The following ALG9 variants were observed in gnomAD, a reference collection of about 807,000 sequenced individuals.
ALG9 encodes the protein ALG9 alpha-1,2-mannosyltransferase, also known as alpha-1,2-mannosyltransferase ALG9.
In ALG9, 55 loss-of-function variants were observed where a neutral mutation model predicts 81.8. The observed-to-expected ratio is 0.67, with a 90% CI of 0.54 to 0.84. The LOEUF (loss-of-function observed/expected upper bound fraction) is 0.84. ALG9 is among the 40% of genes least tolerant of loss of function. ALG9 has a pLI of 0.00. For missense variants in ALG9, 629 were observed against 745.0 expected, an observed-to-expected ratio of 0.84 and a Z score of 1.81; for synonymous variants, 278 against 274.3, an observed-to-expected ratio of 1.01 and a Z score of -0.13.
At chr11:111,776,015 T>C in the ALG9 span, among the ~76,000 whole-genome samples, 1 of 152,132 alleles carries the variant, frequency 6.6e-6, no homozygotes, top group South Asian at 2.1e-4. Context: ...AGTTATTGAC[T>C]TCATAAGGTT....
chr11:111,870,424 C>T (rs1277425477), intron 1 of ALG9, 54 bp from the exon 2 acceptor site: 2 of 1,482,124 alleles, frequency 1.3e-6, no homozygotes, highest in Non-Finnish European at 1.8e-6. Flanking sequence ...GAAGGACCTG[C>T]TAATCAGAAG....
At chr11:111,804,755 A>C (rs1423879565) in intron 14 of ALG9, among the ~76,000 whole-genome samples, 1 of 152,264 alleles carries the variant, frequency 6.6e-6, no homozygotes, top group East Asian at 1.9e-4. Flanking sequence ...CAACGATGAA[A>C]TACCACTACA....
chr11:111,827,228 GCACT>G (rs1312480499), intron 13 of ALG9, among the ~76,000 whole-genome samples: 3 of 152,156 alleles, frequency 2.0e-5, no homozygotes, highest in African/African-American at 7.2e-5. Context: ...TGTAATCCCA[GCACT>G]CTGGAAGGCT....
At chr11:111,818,454 T>C (rs1190764590) in intron 13 of ALG9, among the ~76,000 whole-genome samples, 1 of 152,190 alleles carries the variant, frequency 6.6e-6, no homozygotes, top group East Asian at 1.9e-4. Context: ...CAACTGTAAC[T>C]GAAAGAAGAC....
At chr11:111,821,841 A>G (rs1481100396) in intron 13 of ALG9, among the ~76,000 whole-genome samples, 2 of 152,002 alleles carry the variant, frequency 1.3e-5, no homozygotes. Flanking sequence ...TCACCGTGTT[A>G]GCCAGGATGG....
chr11:111,814,882 T>C (rs1317299184), intron 13 of ALG9, among the ~76,000 whole-genome samples: 4 of 152,218 alleles, frequency 2.6e-5, no homozygotes, highest in African/African-American at 7.2e-5. Context: ...AACAAGTTTT[T>C]AAAAGCTTTA....
chr11:111,770,706 A>C, the ALG9 span, among the ~76,000 whole-genome samples: 2 of 152,118 alleles, frequency 1.3e-5, no homozygotes, highest in African/African-American at 2.4e-5. Flanking sequence ...TCTAAAAAAT[A>C]AATAAATAAA....
chr11:111,772,343 T>C, the ALG9 span, among the ~76,000 whole-genome samples: 2 of 152,210 alleles, frequency 1.3e-5, no homozygotes, highest in East Asian at 1.9e-4. Context: ...GGAGAATCGC[T>C]TGAGCCTGGG....
chr11:111,845,686 G>A (rs1956848856), intron 8 of ALG9, among the ~76,000 whole-genome samples: 1 of 152,324 alleles, frequency 6.6e-6, no homozygotes, highest in South Asian at 2.1e-4. Context: ...CAATCAAGAA[G>A]TGAATGACAC....
intron 8 of ALG9, among the ~76,000 whole-genome samples, chr11:111,852,286 C>T (rs1210449377): frequency 1.3e-5 from 2 of 152,186 alleles, no homozygotes; most frequent in African/African-American, 4.8e-5. Context: ...CTGCCTCTCT[C>T]GTGAAATGTT....
intron 4 of ALG9, 98 bp from the exon 5 acceptor site, chr11:111,860,733 T>C: frequency 1.1e-6 from 1 of 908,870 alleles, no homozygotes; most frequent in South Asian, 1.6e-5. Context: ...ACTGAAGATC[T>C]AAAGTCAAAC....
chr11:111,770,790 T>G, the ALG9 span, among the ~76,000 whole-genome samples: 2 of 152,232 alleles, frequency 1.3e-5, no homozygotes, highest in Non-Finnish European at 2.9e-5. Context: ...ACTGTGGCAC[T>G]GAGGTATTTC....
In ALG9 at chr11:111,801,224, C is replaced by A. The variant is rs1949079927; in HGVS notation, c.1733+8419G>T. Among the ~76,000 whole-genome samples, 7 of 152,216 alleles carry A rather than the reference C, an allele frequency of 4.6e-5. No homozygotes were observed. In the South Asian group the frequency reaches 1.4e-3, roughly 32 times the overall value. ...TGAAGGCATTTCAAGATTATGCTCA[C>A]AAAAGCATTTCATGCATCACCTCAG... On this transcript the variant is annotated intron_variant, in intron 14 of 14. Coordinates refer to ENST00000616540, the MANE Select transcript of ALG9 (RefSeq NM_024740.2).
chr11:111,769,753 G>T, the ALG9 span, among the ~76,000 whole-genome samples: 1 of 152,138 alleles, frequency 6.6e-6, no homozygotes, highest in African/African-American at 2.4e-5. Context: ...ACAAAAACTG[G>T]CACCTTGATG....
intron 14 of ALG9, among the ~76,000 whole-genome samples, chr11:111,788,957 C>T (rs1368116289): frequency 3.3e-5 from 5 of 151,966 alleles, no homozygotes; most frequent in Non-Finnish European, 5.9e-5. Flanking sequence ...TCAACTCAGT[C>T]CTTAGTATAA....
chr11:111,824,788 G>T (rs1555106874), intron 13 of ALG9, among the ~76,000 whole-genome samples: 1 of 152,132 alleles, frequency 6.6e-6, no homozygotes, highest in African/African-American at 2.4e-5. Flanking sequence ...AAATTCAATA[G>T]ATAAAGTTCT....
chr11:111,824,635 T>C (rs1171893627), intron 13 of ALG9, among the ~76,000 whole-genome samples: 1 of 152,250 alleles, frequency 6.6e-6, no homozygotes, highest in Non-Finnish European at 1.5e-5. Context: ...ATAAAATCTT[T>C]TCCTACCGTA....
intron 13 of ALG9, among the ~76,000 whole-genome samples, chr11:111,813,125 T>C (rs900961250): frequency 7.9e-5 from 12 of 151,798 alleles, no homozygotes; most frequent in Admixed American, 2.0e-4. Flanking sequence ...TTAACCTCAC[T>C]CCACATGCAA....
At chr11:111,789,868 G>C (rs1947124622) in intron 14 of ALG9, among the ~76,000 whole-genome samples, 1 of 151,388 alleles carries the variant, frequency 6.6e-6, no homozygotes, top group South Asian at 2.1e-4. Flanking sequence ...CAATTGGACT[G>C]AGATAGTAAG....
Sources: gnomAD v4.1 joint callset for allele counts (sites outside exome capture counted in the v4.1 genomes callset) on GRCh38, gnomAD v4.1.1 for gene constraint, MANE v1.5 for transcripts, NCBI Gene and HGNC (gene_info 2026-07-23, HGNC 2026-07-21) for gene names.